Variants in TNNI3K observed in about 807,000 individuals in gnomAD.
TNNI3K encodes the protein TNNI3 interacting kinase.
TNNI3K carries 140 observed loss-of-function variants against 114.5 expected under a neutral mutation model. The ratio of observed to expected loss-of-function variants is 1.22; its 90% CI spans 1.07 to 1.41. TNNI3K has a LOEUF of 1.41. Among genes scored for constraint, TNNI3K ranks in the 40% most tolerant of loss-of-function variants. TNNI3K has a pLI of 0.00. For missense variants in TNNI3K, 1,125 were observed against 1,007.6 expected (o/e 1.12, Z -1.58); for synonymous variants, 347 against 347.5 (o/e 1.00, Z 0.02).
intron 17 of TNNI3K, among the ~76,000 whole-genome samples, chr1:74,380,493 G>C (rs1319869538): frequency 1.3e-5 from 2 of 152,078 alleles, no homozygotes; most frequent in Non-Finnish European, 1.5e-5. Flanking sequence ...CGCACCCACA[G>C]ACTGAGCGTG....
At chr1:74,245,399 A>G (rs527529860) in intron 2 of TNNI3K, among the ~76,000 whole-genome samples, 57 of 152,298 alleles carry the variant, frequency 3.7e-4, no homozygotes, top group African/African-American at 1.3e-3. Flanking sequence ...GTAGCCTTTC[A>G]AAAGGAATGT....
At chr1:74,438,035 AAATAAATAAATTAGTGCT>A (rs1198524704) in intron 19 of TNNI3K, among the ~76,000 whole-genome samples, 13 of 151,660 alleles carry the variant, frequency 8.6e-5, no homozygotes, top group Admixed American at 7.9e-4. Flanking sequence ...CAGCACTAAT[AAATAAATAAATTAGTGCT>A]AATAAATAAA....
intron 22 of TNNI3K, 42 bp from the exon 23 acceptor site, chr1:74,492,055 T>G (rs1269235340): frequency 1.4e-6 from 2 of 1,451,644 alleles, no homozygotes; most frequent in African/African-American, 2.8e-5. Flanking sequence ...TTCACACCTG[T>G]TGGAAGTATT....
intron 4 of TNNI3K, among the ~76,000 whole-genome samples, chr1:74,266,971 T>C (rs1055572313): frequency 3.9e-5 from 6 of 151,994 alleles, no homozygotes; most frequent in African/African-American, 1.4e-4. Flanking sequence ...TTAAAAATAA[T>C]AAATATGACA....
intron 17 of TNNI3K, among the ~76,000 whole-genome samples, chr1:74,412,625 T>A (rs1228720348): frequency 1.3e-5 from 2 of 152,182 alleles, no homozygotes; most frequent in African/African-American, 4.8e-5. Context: ...ATCCTTGTTT[T>A]TCTTTTTGAG....
chr1:74,470,496 A>G (rs1667873691), intron 21 of TNNI3K: 1 of 399,394 alleles, frequency 2.5e-6, no homozygotes, highest in African/African-American at 2.1e-5. Context: ...GACTACTAAC[A>G]GGAGAAGTAC....
intron 17 of TNNI3K, among the ~76,000 whole-genome samples, chr1:74,406,139 T>C (rs1386240587): frequency 6.6e-6 from 1 of 152,104 alleles, no homozygotes; most frequent in East Asian, 1.9e-4. Flanking sequence ...CAGAAACAGT[T>C]CTTGTGGTTG....
chr1:74,484,389 A>C (rs1668650071), intron 21 of TNNI3K, among the ~76,000 whole-genome samples: 1 of 152,232 alleles, frequency 6.6e-6, no homozygotes, highest in South Asian at 2.1e-4. Context: ...CTGGGCATAG[A>C]GCAGGGGCTG....
chr1:74,262,914 T>G (rs1655762468), intron 4 of TNNI3K, among the ~76,000 whole-genome samples: 1 of 152,140 alleles, frequency 6.6e-6, no homozygotes, highest in African/African-American at 2.4e-5. Context: ...TCTTAGCTCC[T>G]AGTACTTACT....
At chr1:74,280,603 A>G (rs986748263) in intron 5 of TNNI3K, among the ~76,000 whole-genome samples, 3 of 152,144 alleles carry the variant, frequency 2.0e-5, no homozygotes, top group African/African-American at 7.2e-5. Flanking sequence ...ACAGGGCAGA[A>G]TTCTGCCAGC....
intron 5 of TNNI3K, among the ~76,000 whole-genome samples, chr1:74,323,893 A>C (rs1175388339): frequency 6.6e-6 from 1 of 152,214 alleles, no homozygotes; most frequent in Admixed American, 6.5e-5. Flanking sequence ...AGATGAACCG[A>C]AAAAGCCATT....
At chr1:74,388,744 T>C (rs2100563579) in intron 17 of TNNI3K, among the ~76,000 whole-genome samples, 2 of 152,366 alleles carry the variant, frequency 1.3e-5, no homozygotes, top group Middle Eastern at 6.8e-3. Context: ...TTTATATTTA[T>C]TTTTATTTTT....
chr1:74,407,241 G>C (rs1342502790), intron 17 of TNNI3K, among the ~76,000 whole-genome samples: 2 of 152,104 alleles, frequency 1.3e-5, no homozygotes, highest in Non-Finnish European at 2.9e-5. Context: ...TCTACCAGGG[G>C]CTTCTAAGAT....
At chr1:74,515,965 A>G (rs931442310) in intron 23 of TNNI3K, among the ~76,000 whole-genome samples, 2 of 152,204 alleles carry the variant, frequency 1.3e-5, no homozygotes, top group African/African-American at 4.8e-5. Context: ...AGAAGAAGGG[A>G]CTTGCCTTTG....
At chr1:74,401,662 C>A (rs1664370499) in intron 17 of TNNI3K, among the ~76,000 whole-genome samples, 1 of 151,998 alleles carries the variant, frequency 6.6e-6, no homozygotes, top group African/African-American at 2.4e-5. Flanking sequence ...ATAATTCTCC[C>A]ATTAGGAGGT....
intron 5 of TNNI3K, among the ~76,000 whole-genome samples, chr1:74,298,779 A>T (rs773366505): frequency 4.6e-5 from 7 of 152,128 alleles, no homozygotes; most frequent in Admixed American, 4.6e-4. Flanking sequence ...TAGACATCTC[A>T]TGGCTAATAA....
intron 21 of TNNI3K, chr1:74,465,069 AT>A: frequency 1.0e-6 from 1 of 960,892 alleles, no homozygotes; most frequent in Non-Finnish European, 1.3e-6. Flanking sequence ...TCAAGCACCT[AT>A]TCTAGAATTT....
intron 23 of TNNI3K, among the ~76,000 whole-genome samples, chr1:74,523,291 A>G (rs1450058965): frequency 6.6e-6 from 1 of 152,352 alleles, no homozygotes; most frequent in Admixed American, 6.5e-5. Context: ...CTCACTTGAT[A>G]CCTCATAGTG....
intron 17 of TNNI3K, among the ~76,000 whole-genome samples, chr1:74,399,892 C>T (rs74093554): frequency 0.031 from 4,713 of 152,162 alleles, 234 homozygotes; most frequent in African/African-American, 0.11. Flanking sequence ...TGATGTCTAC[C>T]AAGTCTTACA....
Sources: gnomAD v4.1 joint callset for allele counts (sites outside exome capture counted in the v4.1 genomes callset) on GRCh38, gnomAD v4.1.1 for gene constraint, MANE v1.5 for transcripts, NCBI Gene and HGNC (gene_info 2026-07-23, HGNC 2026-07-21) for gene names.